MAP2K5: variants seen among roughly 807,000 people sequenced by gnomAD.
MAP2K5 encodes mitogen-activated protein kinase kinase 5.
In MAP2K5, 49 loss-of-function variants were observed where a neutral mutation model predicts 83.1. The observed-to-expected ratio is 0.59, with a 90% CI of 0.47 to 0.75. The LOEUF (loss-of-function observed/expected upper bound fraction) is 0.75. Ranked by LOEUF, MAP2K5 falls within the 30% of genes least tolerant of loss-of-function variation. The pLI, the probability that MAP2K5 is intolerant of heterozygous loss-of-function variation, is 0.00. For synonymous variants in MAP2K5, 202 were observed against 191.8 expected (o/e 1.05, Z -0.44); for missense variants, 457 against 557.5 (o/e 0.82, Z 1.82).
intron 21 of MAP2K5, among the ~76,000 whole-genome samples, chr15:67,789,956 C>T (rs77962705): frequency 6.6e-6 from 1 of 152,202 alleles, no homozygotes; most frequent in East Asian, 1.9e-4. Flanking sequence ...GGTCCAGGCC[C>T]GAGTGTCCTT....
intron 9 of MAP2K5, among the ~76,000 whole-genome samples, chr15:67,639,360 T>C (rs1188827655): frequency 6.6e-6 from 1 of 152,258 alleles, no homozygotes; most frequent in Non-Finnish European, 1.5e-5. Flanking sequence ...ATTGATGATT[T>C]ATACAATGCT....
intron 2 of MAP2K5, among the ~76,000 whole-genome samples, chr15:67,550,981 A>G (rs1411166270): frequency 6.6e-6 from 1 of 152,148 alleles, no homozygotes; most frequent in African/African-American, 2.4e-5. Context: ...CATGTTGGCC[A>G]GGCTGGTCTT....
Position 67,769,708 on chromosome 15 carries a change from C to A in MAP2K5, c.1196+45C>A. The A allele has an allele frequency of 1.3e-6, 2 of 1,591,680 alleles. No individual in the cohort carries two copies. The highest frequency in any genetic ancestry group is 1.1e-5 in the South Asian group (1 of 90,320). On this transcript the variant is annotated intron_variant, in intron 20 of 21. Coordinates refer to ENST00000178640, the MANE Select transcript of MAP2K5 (RefSeq NM_145160.3). This position sits in a 1 kb window ranked among gnomAD's most constrained non-coding sequence, Gnocchi z 5.2. ...TGCCATGCCCTCAATGTAAATGATA[C>A]ATGCCATTAACTCGGCAGCTCCGTG... is the stretch of plus-strand genomic sequence containing the variant.
At chr15:67,680,173 G>C (rs6494687) in intron 13 of MAP2K5, among the ~76,000 whole-genome samples, 149,589 of 152,298 alleles carry the variant, frequency 0.98, 73,532 homozygotes, top group Middle Eastern at 1. Flanking sequence ...TTTTATTGTT[G>C]AATAGTATTC....
chr15:67,597,205 G>A (rs2085547399), intron 7 of MAP2K5, among the ~76,000 whole-genome samples: 1 of 151,828 alleles, frequency 6.6e-6, no homozygotes, highest in Non-Finnish European at 1.5e-5. Flanking sequence ...AAACTACTTG[G>A]TATTGTTGTT....
chr15:67,609,122 G>A (rs1409218151), intron 8 of MAP2K5, among the ~76,000 whole-genome samples: 1 of 152,188 alleles, frequency 6.6e-6, no homozygotes, highest in African/African-American at 2.4e-5. Flanking sequence ...GACATGAGAT[G>A]ACTGCACAGG....
intron 1 of MAP2K5, 113 bp from the exon 2 acceptor site, chr15:67,549,921 T>A: frequency 1.3e-6 from 1 of 757,326 alleles, no homozygotes. Flanking sequence ...TTTTATAGTT[T>A]ATGCTAACGT....
chr15:67,688,535 A>G (rs891854439), intron 13 of MAP2K5, among the ~76,000 whole-genome samples: 1 of 152,224 alleles, frequency 6.6e-6, no homozygotes, highest in Non-Finnish European at 1.5e-5. Flanking sequence ...TTGAGCTAGT[A>G]TTTTACCCAA....
rs1226090609 is a variant in MAP2K5 at position 67,778,056 on chromosome 15, A to T, written c.1242+5304A>T. Among the ~76,000 whole-genome samples, 2 of 152,226 alleles carry T rather than the reference A, an allele frequency of 1.3e-5. No individual in the cohort carries two copies. The highest frequency in any genetic ancestry group is 4.8e-5 in the African/African-American group (2 of 41,460). On this transcript the variant is annotated intron_variant, in intron 21 of 21. Transcript: ENST00000178640. The surrounding 1 kb of genome is among the most constrained non-coding windows in gnomAD (Gnocchi z 5.0). The stretch of plus-strand genomic sequence containing the variant: ...GTCATCCCAGCAGCTGCAAACTTGA[A>T]GGCATCTCATTTCTCAGCTAAGGCT...
chr15:67,727,897 A>G lies in MAP2K5; in HGVS notation c.1045-19A>G. ...TGCATGCAAATCTATAACTAGACAA[A>G]TATTATTTCCTTTCCCAGCTTGCTC... On this transcript the variant is annotated intron_variant, in intron 16 of 21. Coordinates refer to ENST00000178640, the MANE Select transcript of MAP2K5 (RefSeq NM_145160.3). The G allele has an allele frequency of 6.2e-7, 1 of 1,603,668 alleles. No individual in the cohort carries two copies. Among genetic ancestry groups the G allele is most frequent in the Non-Finnish European group, 8.5e-7 (1 of 1,170,616 alleles).
rs888481917 is a variant in MAP2K5, at chr15:67,640,219, G to A, written c.586-6012G>A. ...TCAATACATAATTTGTTGAGTGACTGAGTGAATAAATTTTTGTTCTTCTGT... is the reference window on the plus strand; with the variant it reads ...TCAATACATAATTTGTTGAGTGACTAAGTGAATAAATTTTTGTTCTTCTGT... On this transcript the variant is annotated intron_variant, in intron 9 of 21. Transcript: ENST00000178640. The surrounding 1 kb of genome is among the most constrained non-coding windows in gnomAD (Gnocchi z 4.6). Among the ~76,000 whole-genome samples, 2 of 152,256 alleles carry A rather than the reference G, an allele frequency of 1.3e-5. No individual in the cohort carries two copies. The highest frequency in any genetic ancestry group is 6.5e-5 in the Admixed American group (1 of 15,290).
chr15:67,751,858 A>G (rs1053772299), intron 19 of MAP2K5, among the ~76,000 whole-genome samples: 2 of 152,068 alleles, frequency 1.3e-5, no homozygotes, highest in African/African-American at 4.8e-5. Flanking sequence ...GCTGACATTG[A>G]TATTCTCGGG....
chr15:67,621,006 G>A (rs1260749170), intron 8 of MAP2K5, among the ~76,000 whole-genome samples: 1 of 151,818 alleles, frequency 6.6e-6, no homozygotes, highest in Non-Finnish European at 1.5e-5. Flanking sequence ...TAATAGGTTA[G>A]GTTGCATTTT....
rs1232335640 is a variant in MAP2K5, at chr15:67,793,944, A to G, written c.1243-12702A>G. ...TCTAGGCACATAGAAACCGCTCCAC[A>G]CATCCATAGTGAATCTTATTGAATT... On this transcript the variant is annotated intron_variant, in intron 21 of 21. Coordinates refer to ENST00000178640, the MANE Select transcript of MAP2K5 (RefSeq NM_145160.3). This position sits in a 1 kb window ranked among gnomAD's most constrained non-coding sequence, Gnocchi z 4.6. Among the ~76,000 whole-genome samples, 1 of 152,222 alleles carries G rather than the reference A, an allele frequency of 6.6e-6. No homozygotes were observed. The highest frequency in any genetic ancestry group is 1.5e-5 in the Non-Finnish European group (1 of 68,030).
chr15:67,799,534 G>C (rs576230422), intron 21 of MAP2K5, among the ~76,000 whole-genome samples: 2 of 152,402 alleles, frequency 1.3e-5, no homozygotes, highest in South Asian at 4.1e-4. Flanking sequence ...CCAGCTGACA[G>C]ATGAGACCCA....
chr15:67,670,338 G>C (rs919110744), intron 13 of MAP2K5: 1 of 452,016 alleles, frequency 2.2e-6, no homozygotes, highest in South Asian at 1.6e-5. Flanking sequence ...GACTGTAAAG[G>C]CATGAAGGAA....
intron 8 of MAP2K5, 92 bp downstream of exon 8, chr15:67,600,841 A>C: frequency 1.2e-6 from 1 of 856,712 alleles, no homozygotes. Flanking sequence ...AATGACCACT[A>C]ACACTTAGAT....
chr15:67,690,166 C>T lies in MAP2K5; in HGVS notation c.848-2313C>T, dbSNP rs185836282. Among the ~76,000 whole-genome samples the T allele has an allele frequency of 1.0e-3, 153 of 152,002 alleles. No homozygotes were observed. Among genetic ancestry groups the T allele is most frequent in the East Asian group, 1.7e-3 (9 of 5,180 alleles). On this transcript the variant is annotated intron_variant, in intron 13 of 21. Coordinates refer to ENST00000178640, the MANE Select transcript of MAP2K5 (RefSeq NM_145160.3). This position sits in a 1 kb window ranked among gnomAD's most constrained non-coding sequence, Gnocchi z 4.3. ...TCAATATGTAAAAGAACAAATTGTC[C>T]AAAAGAAAAATATTTAAAACTGAGG... is the stretch of plus-strand genomic sequence containing the variant.
At chr15:67,611,120 A>G (rs2085913774) in intron 8 of MAP2K5, among the ~76,000 whole-genome samples, 2 of 152,262 alleles carry the variant, frequency 1.3e-5, no homozygotes, top group Non-Finnish European at 2.9e-5. Context: ...AGCAAAATGT[A>G]TCAATATACT....
Sources: allele counts gnomAD v4.1 joint callset (sites outside exome capture counted in the v4.1 genomes callset), GRCh38; gene constraint gnomAD v4.1.1; non-coding constraint Gnocchi (gnomAD v3.1); transcripts MANE v1.5; gene names NCBI Gene and HGNC (gene_info 2026-07-23, HGNC 2026-07-21).